Variants in ZNF44 observed in about 807,000 individuals in gnomAD.
ZNF44 encodes the protein gonadotropin inducible transcription repressor-2.
Under a neutral mutation model 11.7 loss-of-function variants are expected in ZNF44, and 9 were observed. That is an observed-to-expected ratio of 0.77 (90% confidence interval 0.46 to 1.35). ZNF44 has a LOEUF of 1.35. Ranked by LOEUF, ZNF44 falls within the 40% of genes most tolerant of loss-of-function variation. ZNF44 has a pLI of 0.00. For synonymous variants in ZNF44, 224 were observed against 242.7 expected, an observed-to-expected ratio of 0.92 and a Z score of 0.72; for missense variants, 696 against 743.1, an observed-to-expected ratio of 0.94 and a Z score of 0.74.
chr19:12,282,101 A>G (rs561377249), intron 1 of ZNF44, among the ~76,000 whole-genome samples: 53 of 152,328 alleles, frequency 3.5e-4, no homozygotes, highest in Middle Eastern at 3.4e-3. Context: ...TGAGGACATA[A>G]GGGTTAGACT....
intron 1 of ZNF44, among the ~76,000 whole-genome samples, chr19:12,293,899 G>A (rs1019090831): frequency 1.3e-5 from 2 of 152,144 alleles, no homozygotes; most frequent in African/African-American, 2.4e-5. Context: ...CACCGTCACC[G>A]TGCAGCCTCC....
intron 1 of ZNF44, among the ~76,000 whole-genome samples, chr19:12,235,197 A>G (rs373539640): frequency 1.8e-4 from 27 of 152,030 alleles, no homozygotes; most frequent in African/African-American, 2.4e-5. Context: ...GTGAAACCCC[A>G]TCTCTACTAA....
At chr19:12,241,159 C>A (rs1182176311), upstream of ZNF44, among the ~76,000 whole-genome samples, 2 of 152,190 alleles carry the variant, frequency 1.3e-5, no homozygotes, top group Non-Finnish European at 1.5e-5. Flanking sequence ...ATGCTCATTA[C>A]CACTGGTGAT....
At chr19:12,288,685 G>C (rs1318031473) in intron 1 of ZNF44, among the ~76,000 whole-genome samples, 1 of 149,016 alleles carries the variant, frequency 6.7e-6, no homozygotes, top group African/African-American at 2.5e-5. Flanking sequence ...AGGTTGGAGG[G>C]AGGCGGAGGT....
chr19:12,227,937 A>G (rs964129869), intron 3 of ZNF44, among the ~76,000 whole-genome samples: 4 of 152,178 alleles, frequency 2.6e-5, no homozygotes, highest in Non-Finnish European at 4.4e-5. Flanking sequence ...AGATGCATTT[A>G]CTCAATTTTA....
At chr19:12,267,980 G>T (rs974165380), downstream of ZNF44, among the ~76,000 whole-genome samples, 2 of 151,752 alleles carry the variant, frequency 1.3e-5, no homozygotes, top group African/African-American at 4.8e-5. Flanking sequence ...GGGATTACAG[G>T]CGAGCGTGAC....
chr19:12,289,238 G>A (rs1967899035), intron 1 of ZNF44, among the ~76,000 whole-genome samples: 1 of 152,058 alleles, frequency 6.6e-6, no homozygotes, highest in African/African-American at 2.4e-5. Flanking sequence ...GCCTGGGGAG[G>A]TCAAGGCTGC....
intron 1 of ZNF44, among the ~76,000 whole-genome samples, chr19:12,277,721 G>A (rs953137868): frequency 6.6e-6 from 1 of 152,202 alleles, no homozygotes; most frequent in African/African-American, 2.4e-5. Context: ...AGACAGCAGA[G>A]TTCCCAGTGT....
At chr19:12,287,645 T>A (rs1021107692) in intron 1 of ZNF44, among the ~76,000 whole-genome samples, 3 of 152,256 alleles carry the variant, frequency 2.0e-5, no homozygotes, top group Non-Finnish European at 4.4e-5. Flanking sequence ...AATTTCATTA[T>A]TTTTAATGTC....
At chr19:12,294,001 A>G (rs1457872857) in intron 1 of ZNF44, among the ~76,000 whole-genome samples, 1 of 100,702 alleles carries the variant, frequency 9.9e-6, no homozygotes, top group African/African-American at 3.9e-5. Flanking sequence ...CTTCACAGGA[A>G]GCCGCCTCCC....
chr19:12,233,230 C>A (rs1340112655), intron 2 of ZNF44, among the ~76,000 whole-genome samples: 5 of 152,050 alleles, frequency 3.3e-5, no homozygotes, highest in Non-Finnish European at 7.4e-5. Context: ...TCCCCTCTGC[C>A]CAGAGACATT....
At chr19:12,229,143 C>A (rs1273195692) in intron 3 of ZNF44, among the ~76,000 whole-genome samples, 1 of 152,122 alleles carries the variant, frequency 6.6e-6, no homozygotes, top group Non-Finnish European at 1.5e-5. Flanking sequence ...ATAGACATTG[C>A]ACACATAACA....
chr19:12,290,578 T>C (rs1440956621), intron 1 of ZNF44, among the ~76,000 whole-genome samples: 2 of 151,710 alleles, frequency 1.3e-5, no homozygotes, highest in African/African-American at 4.8e-5. Flanking sequence ...CACACGCCTG[T>C]AATCCCAGCT....
chr19:12,244,083 C>T (rs536889832), downstream of ZNF44, among the ~76,000 whole-genome samples: 4 of 152,014 alleles, frequency 2.6e-5, no homozygotes, highest in African/African-American at 9.7e-5. Flanking sequence ...ATTATGTTAC[C>T]CAGGTTGGTG....
downstream of ZNF44, chr19:12,247,529 TTTCTC>T: frequency 7.4e-7 from 1 of 1,350,910 alleles, no homozygotes; most frequent in Non-Finnish European, 9.9e-7. Context: ...ATTCATAAGG[TTTCTC>T]TCCAGTGTGG....
At chr19:12,279,722 T>C (rs770973809) in intron 1 of ZNF44, among the ~76,000 whole-genome samples, 26 of 151,622 alleles carry the variant, frequency 1.7e-4, no homozygotes, top group Non-Finnish European at 2.6e-4. Flanking sequence ...ATGTTAAAAA[T>C]TGAGCCATAT....
intron 5 of ZNF44, among the ~76,000 whole-genome samples, chr19:12,256,040 A>C (rs1352141441): frequency 3.9e-5 from 4 of 101,922 alleles, no homozygotes; most frequent in African/African-American, 2.0e-4. Context: ...TCTGTCTCAA[A>C]AAAAAAAAAA....
rs769023019 is a variant in ZNF44, at chr19:12,273,872, T to C, written c.383A>G (p.His128Arg). ...ATATTCATGACACTCCCGGTGTTTG[T>C]GTCCAGTATCAACTCTGATGTAGCA... ...LNCYIRVDTG[H>R]KHRECHEYAE... Residue 128 changes from histidine to arginine, a missense_variant, in exon 4 of 4, where the codon CAC becomes CGC. Physicochemically the swap from His to Arg is conservative, Grantham distance 29. Coordinates refer to ENST00000355684, the MANE Select transcript of ZNF44 (RefSeq NM_016264.4). 1 of 1,614,196 alleles carries C rather than the reference T, an allele frequency of 6.2e-7. No individual in the cohort carries two copies. The highest frequency in any genetic ancestry group is 1.7e-5 in the Admixed American group (1 of 60,020).
Position 12,273,683 on chromosome 19 carries a change from T to C in ZNF44, c.572A>G (p.Lys191Arg), listed in dbSNP as rs1267530181. The part of the protein sequence containing the change: ...PGNLRRHMVV[K>R]GGDGPYKCEL... ...ACATTTATAAGGTCCATCTCCACCTTTTACTACCATATGTCTTCGAAGGTT... is the reference window on the plus strand; with the variant it reads ...ACATTTATAAGGTCCATCTCCACCTCTTACTACCATATGTCTTCGAAGGTT... Residue 191 changes from lysine to arginine, a missense_variant, in exon 4 of 4, where the codon AAA becomes AGA. Transcript: ENST00000355684. The C allele has an allele frequency of 1.9e-6, 3 of 1,614,092 alleles. No homozygotes were observed. Among genetic ancestry groups the C allele is most frequent in the Non-Finnish European group, 2.5e-6 (3 of 1,180,052 alleles).
Sources: allele counts gnomAD v4.1 joint callset (sites outside exome capture counted in the v4.1 genomes callset), GRCh38; gene constraint gnomAD v4.1.1; transcripts MANE v1.5; gene names NCBI Gene and HGNC (gene_info 2026-07-23, HGNC 2026-07-21).